PCNX1: variants seen among roughly 807,000 people sequenced by gnomAD.
PCNX1 encodes pecanex-like protein 1.
In PCNX1, 78 loss-of-function variants were observed where a neutral mutation model predicts 242.2. That is an observed-to-expected ratio of 0.32 (90% CI 0.27 to 0.39). PCNX1 has a LOEUF of 0.39. PCNX1 is among the 10% of genes least tolerant of loss of function. The pLI, the probability that PCNX1 is intolerant of heterozygous loss-of-function variation, is 1.00. For synonymous variants in PCNX1, 1,024 were observed against 1,032.9 expected, an observed-to-expected ratio of 0.99 and a Z score of 0.17; for missense variants, 2,581 against 2,856.5, an observed-to-expected ratio of 0.90 and a Z score of 2.20.
chr14:70,956,031 C>CT lies in PCNX1; in HGVS notation c.363-6188dup, dbSNP rs2057981084. Among the ~76,000 whole-genome samples the CT allele has an allele frequency of 1.1e-4, 16 of 152,056 alleles. No individual in the cohort carries two copies. In the South Asian group the frequency reaches 2.5e-3, roughly 24 times the overall value. ...AGGGCACATGTAGCAATGTCTGGAG[C>CT]TTTTTTTGGTTGTCACACTGAGGGG... is the stretch of plus-strand genomic sequence containing the variant. On this transcript the variant is annotated intron_variant, in intron 2 of 35. Coordinates refer to ENST00000304743, the MANE Select transcript of PCNX1 (RefSeq NM_014982.3).
intron 1 of PCNX1, among the ~76,000 whole-genome samples, chr14:70,941,966 T>C (rs1305576479): frequency 6.6e-6 from 1 of 152,202 alleles, no homozygotes; most frequent in East Asian, 1.9e-4. Context: ...TGTTGTTTGC[T>C]AAGACCATTG....
chr14:71,068,785 C>A (rs2061520843), intron 26 of PCNX1, among the ~76,000 whole-genome samples: 2 of 130,482 alleles, frequency 1.5e-5, no homozygotes, highest in Admixed American at 8.3e-5. Context: ...TCTACACATA[C>A]ATACATATAT....
intron 12 of PCNX1, among the ~76,000 whole-genome samples, chr14:71,020,412 G>A (rs897929421): frequency 5.3e-5 from 8 of 152,288 alleles, no homozygotes; most frequent in East Asian, 1.9e-4. Flanking sequence ...GTGTAAAAGC[G>A]TTCCTATTTC....
chr14:70,989,860 T>C (rs981787257), intron 7 of PCNX1, among the ~76,000 whole-genome samples: 2 of 152,232 alleles, frequency 1.3e-5, no homozygotes, highest in African/African-American at 2.4e-5. Context: ...ACTTTACATA[T>C]GCCTGCTTAA....
At chr14:70,927,407 A>T (rs1012111561) in intron 1 of PCNX1, among the ~76,000 whole-genome samples, 2 of 152,162 alleles carry the variant, frequency 1.3e-5, no homozygotes, top group Non-Finnish European at 2.9e-5. Flanking sequence ...ACTTCTGTTT[A>T]AAGGTAGAAA....
At chr14:71,091,561 A>T (rs181616114) in intron 30 of PCNX1, among the ~76,000 whole-genome samples, 8 of 152,360 alleles carry the variant, frequency 5.3e-5, no homozygotes, top group African/African-American at 1.9e-4. Flanking sequence ...AAGCCTAGAA[A>T]TACCAATAAA....
intron 2 of PCNX1, among the ~76,000 whole-genome samples, chr14:70,956,487 A>T (rs2057999861): frequency 2.6e-5 from 4 of 152,076 alleles, no homozygotes; most frequent in Admixed American, 2.6e-4. Context: ...TGAGCCCAGG[A>T]GTTTGAGGCT....
intron 26 of PCNX1, among the ~76,000 whole-genome samples, chr14:71,060,397 T>C (rs2061297391): frequency 6.6e-6 from 1 of 152,240 alleles, no homozygotes. Context: ...AAAGTTTACT[T>C]TAGAACAGTA....
At chr14:71,075,490 A>G (rs1385802809) in intron 27 of PCNX1, among the ~76,000 whole-genome samples, 1 of 152,214 alleles carries the variant, frequency 6.6e-6, no homozygotes, top group Admixed American at 6.5e-5. Flanking sequence ...AACTTGGCCT[A>G]GGACCACCAG....
intron 2 of PCNX1, among the ~76,000 whole-genome samples, chr14:70,961,342 AG>A (rs1281586774): frequency 6.6e-6 from 1 of 152,190 alleles, no homozygotes; most frequent in African/African-American, 2.4e-5. Context: ...AACAGAACAG[AG>A]CCCTCAGAAA....
intron 26 of PCNX1, among the ~76,000 whole-genome samples, chr14:71,061,430 C>T (rs770432702): frequency 6.6e-6 from 1 of 152,134 alleles, no homozygotes; most frequent in Non-Finnish European, 1.5e-5. Flanking sequence ...CTCCACACAT[C>T]CTCCTTTTAT....
At chr14:70,958,961 A>G (rs1157884923) in intron 2 of PCNX1, among the ~76,000 whole-genome samples, 2 of 133,832 alleles carry the variant, frequency 1.5e-5, no homozygotes, top group African/African-American at 5.5e-5. Flanking sequence ...CCAGATAGCA[A>G]GATATATCCT....
At chr14:70,948,160 C>T (rs1045896957) in intron 2 of PCNX1, among the ~76,000 whole-genome samples, 1 of 152,106 alleles carries the variant, frequency 6.6e-6, no homozygotes, top group African/African-American at 2.4e-5. Context: ...CCTTGCCCTG[C>T]CCATTTGCCT....
intron 20 of PCNX1, 60 bp from the exon 21 acceptor site, chr14:71,046,904 A>C: frequency 7.1e-7 from 1 of 1,402,114 alleles, no homozygotes; most frequent in Non-Finnish European, 9.5e-7. Flanking sequence ...TTTCTTTCTC[A>C]TCACATTGAC....
intron 11 of PCNX1, among the ~76,000 whole-genome samples, chr14:71,015,176 G>C (rs1011549874): frequency 6.6e-6 from 1 of 152,164 alleles, no homozygotes; most frequent in African/African-American, 2.4e-5. Context: ...CTTATGAGCA[G>C]ACCCACACTA....
rs1352734187 is a variant in PCNX1 at position 71,109,609 on chromosome 14, G to A, written c.6885+17G>A. On this transcript the variant is annotated intron_variant, in intron 35 of 35. Coordinates refer to ENST00000304743, the MANE Select transcript of PCNX1 (RefSeq NM_014982.3). ...GAAGGCCATGTAAGTTCTTTTACAA[G>A]CTGGCGGTCTGGGGCTCTGCCTTTT... The A allele has an allele frequency of 1.9e-6, 3 of 1,613,948 alleles. No individual in the cohort carries two copies. In the Admixed American group the frequency reaches 5.0e-5, roughly 27 times the overall value.
At chr14:71,027,707 A>G (rs2060275517) in intron 15 of PCNX1, among the ~76,000 whole-genome samples, 1 of 152,070 alleles carries the variant, frequency 6.6e-6, no homozygotes, top group South Asian at 2.1e-4. Flanking sequence ...TTCATTTTAA[A>G]TAGAAACTGA....
At chr14:71,055,988 A>G (rs1002986657) in intron 25 of PCNX1, among the ~76,000 whole-genome samples, 2 of 152,174 alleles carry the variant, frequency 1.3e-5, no homozygotes, top group Non-Finnish European at 2.9e-5. Flanking sequence ...AGATGTCATC[A>G]AGTGGGAGCA....
At chr14:71,104,710 A>G (rs1376323909) in intron 32 of PCNX1, among the ~76,000 whole-genome samples, 1 of 152,196 alleles carries the variant, frequency 6.6e-6, no homozygotes, top group African/African-American at 2.4e-5. Flanking sequence ...TGGGCAGATC[A>G]TAAGGTCAAG....
Sources: allele counts gnomAD v4.1 joint callset (sites outside exome capture counted in the v4.1 genomes callset), GRCh38; gene constraint gnomAD v4.1.1; transcripts MANE v1.5; gene names NCBI Gene and HGNC (gene_info 2026-07-23, HGNC 2026-07-21).